ZZEF1: variants seen among roughly 807,000 people sequenced by gnomAD.
ZZEF1 encodes the protein zinc finger ZZ-type and EF-hand domain-containing protein 1.
In ZZEF1, 157 loss-of-function variants were observed where a neutral mutation model predicts 342.8. That is an observed-to-expected ratio of 0.46 (90% CI 0.40 to 0.52). The LOEUF is 0.52. ZZEF1 is among the 20% of genes least tolerant of loss of function. ZZEF1 has a pLI of 0.00. For missense variants in ZZEF1, 3,480 were observed against 3,725.6 expected (o/e 0.93, Z 1.72); for synonymous variants, 1,505 against 1,429.1 (o/e 1.05, Z -1.20).
intron 26 of ZZEF1, among the ~76,000 whole-genome samples, chr17:4,067,549 C>G (rs928234457): frequency 6.6e-6 from 1 of 151,750 alleles, no homozygotes; most frequent in South Asian, 2.1e-4. Flanking sequence ...AGAATATTAA[C>G]AGTGAGTAAA....
intron 43 of ZZEF1, 79 bp downstream of exon 43, chr17:4,024,840 G>A: frequency 7.3e-7 from 1 of 1,360,996 alleles, no homozygotes; most frequent in Non-Finnish European, 1.1e-6. Context: ...AAATCAGATG[G>A]CATTTCCTCC....
intron 39 of ZZEF1, 85 bp downstream of exon 39, chr17:4,042,344 T>C: frequency 7.2e-7 from 1 of 1,389,578 alleles, no homozygotes; most frequent in Non-Finnish European, 9.8e-7. Flanking sequence ...GAGATGATTG[T>C]CATCATTTGT....
In ZZEF1 at chr17:4,123,924, G is replaced by A. The variant is rs1445180870; in HGVS notation, c.482C>T (p.Ala161Val). The A allele has an allele frequency of 3.7e-6, 6 of 1,613,800 alleles. No homozygotes were observed. The highest frequency in any genetic ancestry group is 5.1e-6 in the Non-Finnish European group (6 of 1,179,972). ...AGCCTCACCTGGAACCAGAGAGCAG[G>A]CCTGTAGTTGTCTGATGATGTGGCT... ...ELSHIIRQLQACSLVPGFTDI... is the reference protein window; with the variant it reads ...ELSHIIRQLQVCSLVPGFTDI... The change falls in exon 2 of 55, where the codon GCC becomes GTC. Residue 161 changes from alanine to valine, a missense_variant. Physicochemically the swap from Ala to Val is moderately conservative, Grantham distance 64. This residue lies in a region of ZZEF1 where 416 missense variants were observed against 374.2 expected (regional missense o/e 1.11). Transcript: ENST00000381638.
intron 42 of ZZEF1, among the ~76,000 whole-genome samples, chr17:4,028,549 C>CA (rs35998175): frequency 0.38 from 41,373 of 108,616 alleles, 6,388 homozygotes; most frequent in Admixed American, 0.48. Context: ...ACTCTGTCTC[C>CA]AAAAAAAAAA....
At chr17:4,027,312 T>TTTTTTTTTTA (rs2056432735) in intron 42 of ZZEF1, among the ~76,000 whole-genome samples, 1 of 144,846 alleles carries the variant, frequency 6.9e-6, no homozygotes, top group African/African-American at 2.6e-5. Context: ...TTTTTTTTTT[T>TTTTTTTTTTA]GAGAGAAGTC....
At chr17:4,043,006 T>G (rs1372537274) in intron 38 of ZZEF1, among the ~76,000 whole-genome samples, 1 of 152,172 alleles carries the variant, frequency 6.6e-6, no homozygotes, top group Non-Finnish European at 1.5e-5. Flanking sequence ...TAAAAGCCTA[T>G]GGCTGGGCAT....
chr17:4,004,626 A>G lies in ZZEF1; in HGVS notation c.*2264T>C, dbSNP rs926866891. ...AAACAAATTAAAAACGGTGATGAAA[A>G]TACGTCACTCCTCTCGTTAGGAACA... On this transcript the variant is annotated 3_prime_UTR_variant, in exon 55 of 55. Transcript: ENST00000381638. 6.6e-6 allele frequency: 1 copy of G among 152,554 alleles called. No individual in the cohort carries two copies. The highest frequency in any genetic ancestry group is 2.4e-5 in the African/African-American group (1 of 41,462). The allele number at this position is 152,554 out of a possible 1,614,324, so 9.5% of individuals were successfully genotyped here.
intron 21 of ZZEF1, 39 bp downstream of exon 21, chr17:4,076,598 G>A (rs971426245): frequency 6.3e-7 from 1 of 1,587,706 alleles, no homozygotes; most frequent in Admixed American, 1.7e-5. Context: ...TCACTCCTGA[G>A]AGAGAACACG....
At chr17:4,048,040 C>T (rs773682068) in intron 37 of ZZEF1, among the ~76,000 whole-genome samples, 4 of 151,936 alleles carry the variant, frequency 2.6e-5, no homozygotes, top group Non-Finnish European at 4.4e-5. Flanking sequence ...AAAGGATAAA[C>T]GGGGAAGCAC....
At position 4,059,433 on chromosome 17, in the gene ZZEF1, T is replaced by C. The variant is rs370027563; in HGVS notation, c.4884-143A>G. The C allele has an allele frequency of 1.2e-5, 12 of 1,003,536 alleles. No homozygotes were observed. The African/African-American group carries it at 1.7e-4, about 14-fold the overall frequency. 62.2% of individuals were successfully genotyped at this position (1,003,536 alleles called of 1,614,324 possible). ...GGAACTTAAGTAAATACAAATATAA[T>C]ACCTATAGAAGGTAACACACAAAAC... On this transcript the variant is annotated intron_variant, in intron 30 of 54. Coordinates refer to ENST00000381638, the MANE Select transcript of ZZEF1 (RefSeq NM_015113.4).
chr17:4,098,636 C>T lies in ZZEF1; in HGVS notation c.1673-1936G>A, dbSNP rs111650463. Reference sequence around the variant, plus strand: ...TAAATAAGCTTTTTTTTCTGGGACTCTGAATTTTCTTAACAATTCTGCCTA... The same window carrying T: ...TAAATAAGCTTTTTTTTCTGGGACTTTGAATTTTCTTAACAATTCTGCCTA... On this transcript the variant is annotated intron_variant, in intron 9 of 54. Transcript: ENST00000381638. 4.1e-3 allele frequency among the ~76,000 whole-genome samples: 620 copies of T among 152,202 alleles called. 1 individual carries two copies. Among genetic ancestry groups the T allele is most frequent in the African/African-American group, 0.015 (604 of 41,516 alleles).
At position 4,014,695 on chromosome 17, in the gene ZZEF1, G is replaced by T. The variant is rs946757232; in HGVS notation, c.8146-180C>A. Among the ~76,000 whole-genome samples the T allele has an allele frequency of 6.6e-6, 1 of 152,220 alleles. No homozygotes were observed. Among genetic ancestry groups the T allele is most frequent in the African/African-American group, 2.4e-5 (1 of 41,452 alleles). Reference sequence around the variant, plus strand: ...GGAGCATGCACAGACTGCAAATATGGTGCGAGGGAGGCACAGCGGGGCAGG... The same window carrying T: ...GGAGCATGCACAGACTGCAAATATGTTGCGAGGGAGGCACAGCGGGGCAGG... On this transcript the variant is annotated intron_variant, in intron 49 of 54. Transcript: ENST00000381638. This position sits in a 1 kb window ranked among gnomAD's most constrained non-coding sequence, Gnocchi z 4.4.
chr17:4,059,988 A>G (rs1259330834), intron 30 of ZZEF1, among the ~76,000 whole-genome samples: 1 of 152,198 alleles, frequency 6.6e-6, no homozygotes, highest in Non-Finnish European at 1.5e-5. Context: ...CATGTTCACT[A>G]TCTACTACTC....
chr17:4,069,500 A>G (rs1316997565), intron 26 of ZZEF1, among the ~76,000 whole-genome samples: 1 of 152,194 alleles, frequency 6.6e-6, no homozygotes, highest in Non-Finnish European at 1.5e-5. Context: ...GATCCAAAGA[A>G]ATGAGCAATA....
At chr17:4,045,164 TAAGA>T (rs77155801) in intron 37 of ZZEF1, among the ~76,000 whole-genome samples, 17,315 of 151,586 alleles carry the variant, frequency 0.11, 1,020 homozygotes, top group Non-Finnish European at 0.13. Context: ...AAAAAAAAAA[TAAGA>T]TAGTAACCAT....
intron 4 of ZZEF1, 55 bp from the exon 5 acceptor site, chr17:4,112,863 A>G: frequency 7.0e-7 from 1 of 1,419,910 alleles, no homozygotes; most frequent in South Asian, 1.5e-5. Flanking sequence ...AAGAACTGAC[A>G]GGATCCAGAA....
At chr17:4,033,067 C>T (rs1256853004) in intron 40 of ZZEF1, 65 bp from the exon 41 acceptor site, 2 of 1,487,132 alleles carry the variant, frequency 1.3e-6, no homozygotes, top group African/African-American at 1.4e-5. Flanking sequence ...TTAGAGCTCA[C>T]TACACTCCAA....
chr17:4,106,729 C>T (rs989819846), intron 6 of ZZEF1, among the ~76,000 whole-genome samples: 10 of 152,150 alleles, frequency 6.6e-5, no homozygotes, highest in African/African-American at 1.7e-4. Context: ...CAAAAATTTA[C>T]GCAACAAATG....
chr17:4,046,054 C>T (rs2056906002), intron 37 of ZZEF1, among the ~76,000 whole-genome samples: 1 of 152,186 alleles, frequency 6.6e-6, no homozygotes, highest in Non-Finnish European at 1.5e-5. Flanking sequence ...GTCTTGATCT[C>T]CTGACCTTGC....
Sources: gnomAD v4.1 joint callset for allele counts (sites outside exome capture counted in the v4.1 genomes callset) on GRCh38, gnomAD v4.1.1 for gene constraint, gnomAD v4.1.1 regional missense constraint, Gnocchi (gnomAD v3.1) non-coding constraint, MANE v1.5 for transcripts, NCBI Gene and HGNC (gene_info 2026-07-23, HGNC 2026-07-21) for gene names.